Variants in DNAJC4 observed in about 807,000 individuals in gnomAD.
DNAJC4 encodes DnaJ heat shock protein family (Hsp40) member C4, also known as dnaJ homolog subfamily C member 4.
In DNAJC4, 26 loss-of-function variants were observed where a neutral mutation model predicts 26.8. The observed-to-expected ratio is 0.97, with a 90% CI of 0.71 to 1.34. The LOEUF (loss-of-function observed/expected upper bound fraction) is 1.34. Ranked by LOEUF, DNAJC4 falls within the 40% of genes most tolerant of loss-of-function variation. DNAJC4 has a pLI of 0.00. For missense variants in DNAJC4, 342 were observed against 321.1 expected, an observed-to-expected ratio of 1.07 and a Z score of -0.50; for synonymous variants, 134 against 127.8, an observed-to-expected ratio of 1.05 and a Z score of -0.33.
rs77829366 is a variant in DNAJC4, at chr11:64,231,156, C to G, written c.86+216C>G. 3.4e-4 allele frequency: 240 copies of G among 696,366 alleles called. No homozygotes were observed. The African/African-American group carries it at 3.7e-3, about 11-fold the overall frequency. The allele number at this position is 696,366 out of a possible 1,614,324, so 43.1% of individuals were successfully genotyped here. On this transcript the variant is annotated intron_variant, in intron 1 of 5. Coordinates refer to ENST00000628077, the MANE Select transcript of DNAJC4 (RefSeq NM_005528.4). ...AGGAAGTTTGAGTCCAGGTCAAACC[C>G]AACGCTCTTACCACAGCTCTAGTGG...
Position 64,232,514 on chromosome 11 carries a change from G to C in DNAJC4, c.265G>C (p.Glu89Gln), listed in dbSNP as rs1431504812. The change falls in exon 3 of 6, where the codon GAG becomes CAG. Residue 89 changes from glutamate to glutamine, a missense_variant. By Grantham distance (29) the Glu-to-Gln change is conservative (BLOSUM62 2). Coordinates refer to ENST00000628077, the MANE Select transcript of DNAJC4 (RefSeq NM_005528.4). Reference protein sequence around the residue: ...LSEAYRVLSREQSRRSYDDQL... With the variant: ...LSEAYRVLSRQQSRRSYDDQL... ...CGAGGCATACCGTGTGCTCAGCCGT[G>C]AGCAGAGCCGCCGCAGCTATGATGA... is the stretch of plus-strand genomic sequence containing the variant. The C allele has an allele frequency of 9.3e-6, 15 of 1,613,152 alleles. No individual in the cohort carries two copies. The highest frequency in any genetic ancestry group is 1.2e-5 in the Non-Finnish European group (14 of 1,179,456).
Position 64,232,575 on chromosome 11 carries a change from G to C in DNAJC4, c.326G>C (p.Arg109Pro). Residue 109 changes from arginine to proline, a missense_variant, in exon 3 of 6, where the codon CGA becomes CCA. By Grantham distance (103) the Arg-to-Pro change is moderately radical. Coordinates refer to ENST00000628077, the MANE Select transcript of DNAJC4 (RefSeq NM_005528.4). ...LRSGSPPKSP[R>P]TTVHDKSAHQ... ...TCAGGTAGTCCCCCAAAGTCTCCACGAACCACAGTCCATGACAAGTCTGCC... is the reference window on the plus strand; with the variant it reads ...TCAGGTAGTCCCCCAAAGTCTCCACCAACCACAGTCCATGACAAGTCTGCC... 1 of 1,610,844 alleles carries C rather than the reference G, an allele frequency of 6.2e-7. No homozygotes were observed. The highest frequency in any genetic ancestry group is 8.5e-7 in the Non-Finnish European group (1 of 1,177,740).
intron 2 of DNAJC4, 168 bp from the exon 3 acceptor site, chr11:64,232,262 A>C (rs1217011555): frequency 2.3e-6 from 2 of 867,206 alleles, no homozygotes; most frequent in Non-Finnish European, 3.4e-6. Context: ...AGGAGGAAGC[A>C]GGAGTCCATG....
rs193059245 is a variant in DNAJC4 at position 64,232,499 on chromosome 11, C to T, written c.250C>T (p.Arg84Cys). Residue 84 changes from arginine (R) to cysteine (C), a missense_variant, in exon 3 of 6, where the codon CGT becomes TGT. Transcript: ENST00000628077. The part of the protein sequence containing the change: ...SRFVELSEAY[R>C]VLSREQSRRS... ...CTTTGTGGAGCTGAGCGAGGCATAC[C>T]GTGTGCTCAGCCGTGAGCAGAGCCG... The T allele has an allele frequency of 1.4e-3, 2,260 of 1,612,752 alleles. 11 individuals are homozygous for T. Among genetic ancestry groups the T allele is most frequent in the Admixed American group, 3.1e-3 (188 of 59,936 alleles).
At chr11:64,231,619 C>T (rs1011053134) in intron 1 of DNAJC4, 5 of 433,194 alleles carry the variant, frequency 1.2e-5, no homozygotes, top group South Asian at 6.5e-5. Context: ...GGATTACAGG[C>T]GTGAGCCACC....
At chr11:64,231,094 G>A (rs1591074373) in intron 1 of DNAJC4, 154 bp downstream of exon 1, 1 of 1,005,656 alleles carries the variant, frequency 9.9e-7, no homozygotes, top group South Asian at 1.4e-5. Flanking sequence ...AGATAGAGAA[G>A]ACCCCCAAGG....
rs761147487 is a variant in DNAJC4 at position 64,230,729 on chromosome 11, T to G, written c.-126T>G. 1 of 1,347,434 alleles carries G rather than the reference T, an allele frequency of 7.4e-7. No homozygotes were observed. Among genetic ancestry groups the G allele is most frequent in the South Asian group, 1.3e-5 (1 of 78,834 alleles). 83.5% of individuals were successfully genotyped at this position (1,347,434 alleles called of 1,614,324 possible). A position where few individuals can be genotyped will look rare whatever the true frequency, so the allele number is the denominator to read the frequency against. On this transcript the variant is annotated 5_prime_UTR_variant, in exon 1 of 6. Transcript: ENST00000628077. Reference sequence around the variant, plus strand: ...AGAACCGCCCCCTCTCCGGGCCTGCTTCAGTCTTCCTTTGCAGAACAACGG... The same window carrying G: ...AGAACCGCCCCCTCTCCGGGCCTGCGTCAGTCTTCCTTTGCAGAACAACGG...
intron 4 of DNAJC4, chr11:64,233,103 T>A (rs903925295): frequency 3.3e-5 from 14 of 419,930 alleles, no homozygotes; most frequent in Admixed American, 1.8e-4. Context: ...TCATGCTGGC[T>A]GCCAGGAAGG....
Position 64,232,705 on chromosome 11 carries a change from T to A in DNAJC4, c.367T>A (p.Ser123Thr). Residue 123 changes from serine to threonine, a missense_variant and splice_region_variant, in exon 4 of 6, where the codon TCC (serine) becomes ACC (threonine). By Grantham distance (58) the Ser-to-Thr change is moderately conservative. Coordinates refer to ENST00000628077, the MANE Select transcript of DNAJC4 (RefSeq NM_005528.4). Reference protein sequence around the residue: ...HDKSAHQTHSSWTPPNAQYWS... With the variant: ...HDKSAHQTHSTWTPPNAQYWS... Reference sequence around the variant, plus strand: ...GTCCCTTCCTCTGCCTCCCAGCAGCTCCTGGACACCCCCCAACGCACAGTA... The same window carrying A: ...GTCCCTTCCTCTGCCTCCCAGCAGCACCTGGACACCCCCCAACGCACAGTA... 1 of 1,588,592 alleles carries A rather than the reference T, an allele frequency of 6.3e-7. No homozygotes were observed. Among genetic ancestry groups the A allele is most frequent in the Non-Finnish European group, 8.6e-7 (1 of 1,162,254 alleles).
At position 64,230,832 on chromosome 11, in the gene DNAJC4, T is replaced by C; in HGVS notation, c.-23T>C. On this transcript the variant is annotated 5_prime_UTR_variant, in exon 1 of 6. Coordinates refer to ENST00000628077, the MANE Select transcript of DNAJC4 (RefSeq NM_005528.4). ...TCCAATGCGCTCTTGGTAGCCTCCT[T>C]TCCCAGCTGCCCGCCCGCCGCCATG... 6.3e-7 allele frequency: 1 copy of C among 1,589,388 alleles called. No individual in the cohort carries two copies. The highest frequency in any genetic ancestry group is 1.1e-5 in the South Asian group (1 of 87,756).
upstream of DNAJC4, chr11:64,230,542 T>G: frequency 1.7e-6 from 1 of 596,624 alleles, no homozygotes. Flanking sequence ...GGGGCCTGGT[T>G]GTGGCCCCTC....
chr11:64,230,967 G>T (rs747012047), intron 1 of DNAJC4, 27 bp downstream of exon 1: 37 of 1,537,930 alleles, frequency 2.4e-5, no homozygotes, highest in Non-Finnish European at 3.2e-5. Context: ...GGGCCGGCCC[G>T]GTTGTTCAAT....
intron 2 of DNAJC4, 62 bp downstream of exon 2, chr11:64,232,026 C>T (rs1290293289): frequency 1.3e-6 from 2 of 1,549,782 alleles, no homozygotes; most frequent in Non-Finnish European, 1.8e-6. Context: ...GGGTGTGCTT[C>T]AAATTCCCAG....
Position 64,234,150 on chromosome 11 carries a change from GC to G in DNAJC4, c.696del (p.Glu233ArgfsTer?). ...RQPPPSEPTQ[G>X]PEIVPRGAGP ...CCGCCACCATCCGAGCCAACCCAAG[GC>G]CCCGAGATCGTGCCCCGGGGCGCCG... On this transcript the variant is annotated frameshift_variant, in exon 6 of 6. Coordinates refer to ENST00000628077, the MANE Select transcript of DNAJC4 (RefSeq NM_005528.4). LOFTEE classifies it low-confidence loss of function (END_TRUNC). The surrounding 1 kb of genome is among the most constrained non-coding windows in gnomAD (Gnocchi z 5.3). 6.3e-7 allele frequency: 1 copy of G among 1,591,426 alleles called. No individual in the cohort carries two copies. Among genetic ancestry groups the G allele is most frequent in the South Asian group, 1.1e-5 (1 of 89,272 alleles).
At chr11:64,232,327 G>T in intron 2 of DNAJC4, 103 bp from the exon 3 acceptor site, 1 of 1,401,188 alleles carries the variant, frequency 7.1e-7, no homozygotes. Flanking sequence ...TGACCAGGCA[G>T]GGCCTCTGGG....
In DNAJC4 at chr11:64,233,080, G is replaced by A. The variant is rs1043738408; in HGVS notation, c.527+215G>A. 1.3e-5 allele frequency: 6 copies of A among 469,700 alleles called. No individual in the cohort carries two copies. The South Asian group carries it at 3.2e-4, about 25-fold the overall frequency. 29.1% of individuals were successfully genotyped at this position (469,700 alleles called of 1,614,324 possible). ...TGTCATTTACAGTTTTTCATATTTC[G>A]AATGTAAATCTTTCATGCTGGCTGC... On this transcript the variant is annotated intron_variant, in intron 4 of 5. Coordinates refer to ENST00000628077, the MANE Select transcript of DNAJC4 (RefSeq NM_005528.4).
chr11:64,231,213 C>T, intron 1 of DNAJC4: 1 of 592,806 alleles, frequency 1.7e-6, no homozygotes, highest in Non-Finnish European at 3.1e-6. Context: ...CTGTGCATAA[C>T]CCTCTGTGGG....
intron 2 of DNAJC4, 149 bp from the exon 3 acceptor site, chr11:64,232,281 C>T (rs756663279): frequency 3.4e-5 from 35 of 1,018,174 alleles, no homozygotes; most frequent in Non-Finnish European, 4.6e-5. Context: ...TGCTCTCTGG[C>T]CTTCTGAGGA....
intron 2 of DNAJC4, 105 bp from the exon 3 acceptor site, chr11:64,232,325 C>T (rs1947186360): frequency 7.2e-7 from 1 of 1,389,484 alleles, no homozygotes; most frequent in Non-Finnish European, 9.5e-7. Context: ...ACTGACCAGG[C>T]AGGGCCTCTG....
Sources: gnomAD v4.1 joint callset for allele counts on GRCh38, gnomAD v4.1.1 for gene constraint, Gnocchi (gnomAD v3.1) non-coding constraint, MANE v1.5 for transcripts, NCBI Gene and HGNC (gene_info 2026-07-23, HGNC 2026-07-21) for gene names.